The following ZNF7 variants were observed in gnomAD, a reference collection of about 807,000 sequenced individuals.
ZNF7 encodes the protein C2-H2 type zinc finger protein.
In ZNF7, 10 loss-of-function variants were observed where a neutral mutation model predicts 12.0. That is an observed-to-expected ratio of 0.83 (90% CI 0.51 to 1.42). The LOEUF is 1.42. ZNF7 is among the 40% of genes most tolerant of loss of function. The probability of loss-of-function intolerance (pLI) is 0.00; values close to 1 mark genes in which losing one functional copy is unlikely to be tolerated. For missense variants in ZNF7, 854 were observed against 837.2 expected (o/e 1.02, Z -0.25); for synonymous variants, 334 against 295.0 (o/e 1.13, Z -1.35).
chr8:144,835,644 T>A (rs944488823), intron 3 of ZNF7: 8 of 152,206 alleles, frequency 5.3e-5, no homozygotes, highest in Non-Finnish European at 1.2e-4. Context: ...GGTTTTGCCT[T>A]TTTTGGGGGG....
intron 4 of ZNF7, chr8:144,838,190 CTTCT>C (rs1829307171): frequency 1.4e-6 from 1 of 701,084 alleles, no homozygotes. Flanking sequence ...ACACGGCTGC[CTTCT>C]CCCTGCGTGT....
intron 3 of ZNF7, among the ~76,000 whole-genome samples, chr8:144,832,973 G>A (rs532742927): frequency 5.9e-5 from 9 of 151,906 alleles, no homozygotes; most frequent in African/African-American, 1.2e-4. Context: ...CGAGGTGGGC[G>A]GATCACCTGA....
chr8:144,829,597 T>C lies in ZNF7; in HGVS notation c.123T>C (p.Ala41=). 1 of 1,609,506 alleles carries C rather than the reference T, an allele frequency of 6.2e-7. No individual in the cohort carries two copies. Among genetic ancestry groups the C allele is most frequent in the Non-Finnish European group, 8.5e-7 (1 of 1,176,486 alleles). Residue 41 remains alanine, a synonymous_variant, in exon 3 of 5, where the codon GCT becomes GCC. Coordinates refer to ENST00000532777, the MANE Select transcript of ZNF7 (RefSeq NM_003416.4). ...EVMLENHSSV[A]GLAGFLVFKP... The stretch of plus-strand genomic sequence containing the variant: ...TGCTGGAGAACCACAGCAGTGTGGC[T>C]GGACTAGGTGAGGCTGCACCTTGGG...
At chr8:144,841,210 C>T in intron 4 of ZNF7, 145 bp from the exon 5 acceptor site, 3 of 785,928 alleles carry the variant, frequency 3.8e-6, no homozygotes, top group East Asian at 2.5e-5. Context: ...AAAGGCTCTG[C>T]CTTCTCTTGC....
chr8:144,844,307 C>T (rs189364548), downstream of ZNF7, among the ~76,000 whole-genome samples: 12 of 152,342 alleles, frequency 7.9e-5, no homozygotes, highest in East Asian at 1.7e-3. Flanking sequence ...CCAGCACACC[C>T]GTGTGCGCAC....
chr8:144,830,858 C>T (rs369439240), intron 3 of ZNF7: 17 of 445,178 alleles, frequency 3.8e-5, no homozygotes, highest in South Asian at 6.3e-5. Flanking sequence ...CTCAGCCTCC[C>T]GAGTAGCTGG....
At chr8:144,844,310 G>T (rs576427950), downstream of ZNF7, among the ~76,000 whole-genome samples, 2 of 152,312 alleles carry the variant, frequency 1.3e-5, no homozygotes, top group South Asian at 2.1e-4. Context: ...GCACACCCGT[G>T]TGCGCACAGG....
chr8:144,838,134 T>C, intron 4 of ZNF7: 1 of 702,974 alleles, frequency 1.4e-6, no homozygotes, highest in Non-Finnish European at 2.6e-6. Context: ...GTCCTTGGGT[T>C]CCTTGGCTTG....
chr8:144,840,603 A>G (rs1416688478), intron 4 of ZNF7, among the ~76,000 whole-genome samples: 1 of 152,194 alleles, frequency 6.6e-6, no homozygotes, highest in African/African-American at 2.4e-5. Context: ...AGGGTTACAG[A>G]GTAGGACAGA....
chr8:144,844,732 AAAAAC>A (rs1830409913), downstream of ZNF7, among the ~76,000 whole-genome samples: 1 of 135,290 alleles, frequency 7.4e-6, no homozygotes, highest in African/African-American at 2.7e-5. Flanking sequence ...AAAAAAAAAA[AAAAAC>A]GAAAATGGGA....
intron 4 of ZNF7, among the ~76,000 whole-genome samples, chr8:144,840,091 C>T (rs375831537): frequency 6.6e-6 from 1 of 152,224 alleles, no homozygotes; most frequent in East Asian, 1.9e-4. Context: ...TGAGCCACTG[C>T]ACCTGGCCAC....
chr8:144,837,945 G>A, intron 4 of ZNF7: 1 of 640,838 alleles, frequency 1.6e-6, no homozygotes. Context: ...CTTTCCTGTG[G>A]CTGCCATAAC....
Position 144,841,947 on chromosome 8 carries a change from C to T in ZNF7, c.840C>T (p.Cys280=), listed in dbSNP as rs1829978708. ...RIHTGEKPFK[C]TECGKAFRLS... ...ACACGGGAGAGAAACCCTTTAAATGCACTGAGTGTGGAAAAGCCTTCCGCC... is the reference window on the plus strand; with the variant it reads ...ACACGGGAGAGAAACCCTTTAAATGTACTGAGTGTGGAAAAGCCTTCCGCC... Residue 280 remains cysteine, a synonymous_variant, in exon 5 of 5, where the codon TGC becomes TGT. Transcript: ENST00000532777. 3.7e-6 allele frequency: 6 copies of T among 1,614,002 alleles called. No homozygotes were observed. Among genetic ancestry groups the T allele is most frequent in the Non-Finnish European group, 5.1e-6 (6 of 1,179,986 alleles).
rs375879091 is a variant in ZNF7, at chr8:144,842,807, C to T, written c.1700C>T (p.Thr567Ile). The part of the protein sequence containing the change: ...ECGKAFSQNS[T>I]LFQHQIIHAG... ...GGGAAAGCCTTCAGTCAAAACTCAA[C>T]CCTTTTCCAACACCAGATAATTCAT... is the stretch of plus-strand genomic sequence containing the variant. Residue 567 changes from threonine (T) to isoleucine (I), a missense_variant, in exon 5 of 5, where the codon ACC becomes ATC. By Grantham distance (89) the Thr-to-Ile change is moderately conservative. Coordinates refer to ENST00000532777, the MANE Select transcript of ZNF7 (RefSeq NM_003416.4). 3 of 1,614,050 alleles carry T rather than the reference C, an allele frequency of 1.9e-6. No individual in the cohort carries two copies. The African/African-American group carries it at 4.0e-5, about 22-fold the overall frequency.
At chr8:144,845,876 C>A, downstream of ZNF7, 1 of 1,163,656 alleles carries the variant, frequency 8.6e-7, no homozygotes, top group South Asian at 1.5e-5. Context: ...CCCTGCCTTG[C>A]GTCACGTGGC....
At chr8:144,838,171 G>C (rs552590795) in intron 4 of ZNF7, 14 of 702,478 alleles carry the variant, frequency 2.0e-5, no homozygotes, top group Admixed American at 1.4e-4. Flanking sequence ...TCTGATCTCC[G>C]ACTCCTTCAC....
At chr8:144,837,087 CT>C (rs767923789) in intron 3 of ZNF7, 25 of 237,538 alleles carry the variant, frequency 1.1e-4, no homozygotes, top group Non-Finnish European at 1.6e-4. Flanking sequence ...TTCTCCTTCT[CT>C]TTCCCGAGTT....
downstream of ZNF7, among the ~76,000 whole-genome samples, chr8:144,844,527 A>G (rs1735406): frequency 0.39 from 58,784 of 151,308 alleles, 11,750 homozygotes; most frequent in African/African-American, 0.48. Context: ...TGGCTAACAC[A>G]GTGAAACCCC....
At chr8:144,844,706 T>C (rs570103881), downstream of ZNF7, among the ~76,000 whole-genome samples, 14 of 88,890 alleles carry the variant, frequency 1.6e-4, no homozygotes, top group South Asian at 5.0e-3. Context: ...TGTGACTCTG[T>C]ATCAAAAAAA....
Sources: gnomAD v4.1 joint callset for allele counts (sites outside exome capture counted in the v4.1 genomes callset) on GRCh38, gnomAD v4.1.1 for gene constraint, MANE v1.5 for transcripts, NCBI Gene and HGNC (gene_info 2026-07-23, HGNC 2026-07-21) for gene names.